Variants in CCSER1 observed in about 807,000 individuals in gnomAD.
CCSER1 encodes serine-rich coiled-coil domain-containing protein 1.
CCSER1 carries 41 observed loss-of-function variants against 82.0 expected under a neutral mutation model. That is an observed-to-expected ratio of 0.50 (90% CI 0.39 to 0.65). CCSER1 has a LOEUF of 0.65. Ranked by LOEUF, CCSER1 falls within the 30% of genes least tolerant of loss-of-function variation. CCSER1 has a pLI of 0.00. For missense variants in CCSER1, 1,119 were observed against 1,064.2 expected, an observed-to-expected ratio of 1.05 and a Z score of -0.72; for synonymous variants, 414 against 383.9, an observed-to-expected ratio of 1.08 and a Z score of -0.92.
chr4:90,180,123 T>TAG (rs903226649), intron 1 of CCSER1, among the ~76,000 whole-genome samples: 3 of 68,956 alleles, frequency 4.4e-5, no homozygotes, highest in Non-Finnish European at 7.1e-5. Flanking sequence ...TATGTAGTTA[T>TAG]ATATATATAT....
At chr4:90,749,416 T>C (rs1172048860) in intron 7 of CCSER1, among the ~76,000 whole-genome samples, 1 of 151,844 alleles carries the variant, frequency 6.6e-6, no homozygotes, top group Non-Finnish European at 1.5e-5. Context: ...TTGGTACCAG[T>C]ACCATGCTGT....
chr4:90,555,668 C>A (rs1017004536), intron 5 of CCSER1, among the ~76,000 whole-genome samples: 11 of 151,910 alleles, frequency 7.2e-5, no homozygotes, highest in African/African-American at 2.4e-4. Context: ...TTGTTAAATA[C>A]TAAATAGTAA....
At chr4:91,419,821 CA>C (rs1271382557) in intron 10 of CCSER1, among the ~76,000 whole-genome samples, 3 of 151,950 alleles carry the variant, frequency 2.0e-5, no homozygotes, top group African/African-American at 7.3e-5. Flanking sequence ...CTATGGTAAT[CA>C]AAACATGATG....
At chr4:90,293,240 T>C (rs1212930867) in intron 1 of CCSER1, among the ~76,000 whole-genome samples, 2 of 151,750 alleles carry the variant, frequency 1.3e-5, no homozygotes, top group Non-Finnish European at 2.9e-5. Flanking sequence ...TAAATTTGAA[T>C]TGATATATAT....
At chr4:90,730,664 G>A (rs1744539996) in intron 7 of CCSER1, among the ~76,000 whole-genome samples, 1 of 152,126 alleles carries the variant, frequency 6.6e-6, no homozygotes, top group Non-Finnish European at 1.5e-5. Flanking sequence ...GTGTGTTGGT[G>A]TTTCAAAAAG....
At chr4:90,915,078 C>T (rs1253694411) in intron 8 of CCSER1, among the ~76,000 whole-genome samples, 1 of 152,164 alleles carries the variant, frequency 6.6e-6, no homozygotes, top group Non-Finnish European at 1.5e-5. Context: ...CTGAATTCTA[C>T]CAGAGGTACA....
chr4:90,492,373 G>A (rs1019343927), intron 5 of CCSER1, among the ~76,000 whole-genome samples: 3 of 151,986 alleles, frequency 2.0e-5, no homozygotes, highest in African/African-American at 7.2e-5. Flanking sequence ...ATCCCCTTTA[G>A]CATCTTTTAT....
intron 8 of CCSER1, chr4:90,838,808 C>T (rs1002057693): frequency 6.4e-5 from 96 of 1,502,328 alleles, no homozygotes; most frequent in Admixed American, 1.8e-4. Context: ...TTGATCCAAC[C>T]TCTTTGCATC....
intron 10 of CCSER1, among the ~76,000 whole-genome samples, chr4:91,326,237 T>G (rs934001311): frequency 6.6e-6 from 1 of 152,140 alleles, no homozygotes; most frequent in African/African-American, 2.4e-5. Flanking sequence ...TAATTTATGA[T>G]GAAAGAGGTT....
chr4:91,318,414 G>GA (rs1745973631), intron 10 of CCSER1, among the ~76,000 whole-genome samples: 1 of 151,930 alleles, frequency 6.6e-6, no homozygotes, highest in South Asian at 2.1e-4. Context: ...TACTGGGCCT[G>GA]AATAAATAAG....
At chr4:90,371,628 T>C (rs1747432544) in intron 3 of CCSER1, among the ~76,000 whole-genome samples, 1 of 152,102 alleles carries the variant, frequency 6.6e-6, no homozygotes, top group Non-Finnish European at 1.5e-5. Context: ...AACATCATAA[T>C]TAGGAATAAT....
intron 9 of CCSER1, among the ~76,000 whole-genome samples, chr4:91,017,895 A>G (rs1313103616): frequency 6.6e-6 from 1 of 151,806 alleles, no homozygotes; most frequent in Admixed American, 6.6e-5. Flanking sequence ...TAACAATCAT[A>G]GCTCACTGTA....
At chr4:90,258,007 T>C (rs1723658890) in intron 1 of CCSER1, among the ~76,000 whole-genome samples, 1 of 152,180 alleles carries the variant, frequency 6.6e-6, no homozygotes, top group African/African-American at 2.4e-5. Flanking sequence ...CTGGGCAGTC[T>C]GTGGTCCAGT....
At chr4:90,961,636 C>T (rs1581211462) in intron 9 of CCSER1, among the ~76,000 whole-genome samples, 1 of 151,844 alleles carries the variant, frequency 6.6e-6, no homozygotes, top group East Asian at 1.9e-4. Context: ...ATTTGGCTTA[C>T]AAATATAATG....
At chr4:90,882,464 A>T (rs115306580) in intron 8 of CCSER1, among the ~76,000 whole-genome samples, 3,104 of 152,142 alleles carry the variant, frequency 0.02, 117 homozygotes, top group African/African-American at 0.07. Flanking sequence ...TGAAACTTTT[A>T]TATTTTTCAT....
chr4:91,408,795 G>T (rs1752855063), intron 10 of CCSER1, among the ~76,000 whole-genome samples: 1 of 152,202 alleles, frequency 6.6e-6, no homozygotes, highest in Non-Finnish European at 1.5e-5. Flanking sequence ...GGATGATACA[G>T]CTGTGAAGGT....
intron 7 of CCSER1, among the ~76,000 whole-genome samples, chr4:90,744,368 A>G (rs1471847750): frequency 6.6e-6 from 1 of 152,082 alleles, no homozygotes; most frequent in Non-Finnish European, 1.5e-5. Context: ...AATGAAGAAT[A>G]TTTTCTACTT....
At chr4:91,093,347 A>G (rs1724170093) in intron 10 of CCSER1, among the ~76,000 whole-genome samples, 1 of 152,224 alleles carries the variant, frequency 6.6e-6, no homozygotes. Flanking sequence ...GTTATGTTCA[A>G]CAGGGCTGTC....
intron 5 of CCSER1, among the ~76,000 whole-genome samples, chr4:90,548,907 T>C (rs1437252067): frequency 1.3e-5 from 2 of 152,000 alleles, no homozygotes; most frequent in African/African-American, 4.8e-5. Context: ...ATATGTAGTT[T>C]TCTGAGCCTT....
Sources: gnomAD v4.1 joint callset for allele counts (sites outside exome capture counted in the v4.1 genomes callset) on GRCh38, gnomAD v4.1.1 for gene constraint, MANE v1.5 for transcripts, NCBI Gene and HGNC (gene_info 2026-07-23, HGNC 2026-07-21) for gene names.